PTPDC1: variants seen among roughly 807,000 people sequenced by gnomAD.
The protein encoded by PTPDC1 is protein tyrosine phosphatase domain-containing protein 1.
Under a neutral mutation model 75.3 loss-of-function variants are expected in PTPDC1, and 53 were observed. The observed-to-expected ratio is 0.70, with a 90% CI of 0.56 to 0.88. The LOEUF is 0.88. Among genes scored for constraint, PTPDC1 ranks in the 40% least tolerant of loss-of-function variants. PTPDC1 has a pLI of 0.00. For missense variants in PTPDC1, 925 were observed against 998.6 expected, an observed-to-expected ratio of 0.93 and a Z score of 0.99; for synonymous variants, 349 against 366.2, an observed-to-expected ratio of 0.95 and a Z score of 0.54.
chr9:94,036,234 G>A (rs1825267228), intron 1 of PTPDC1, among the ~76,000 whole-genome samples: 1 of 151,776 alleles, frequency 6.6e-6, no homozygotes, highest in South Asian at 2.1e-4. Flanking sequence ...TGCTTTTAGT[G>A]TCACATCCAA....
chr9:94,031,920 G>A (rs1342753597), intron 1 of PTPDC1, among the ~76,000 whole-genome samples: 1 of 152,166 alleles, frequency 6.6e-6, no homozygotes, highest in Non-Finnish European at 1.5e-5. Flanking sequence ...AAAACTCCGA[G>A]AGGTCATCTT....
Position 94,097,493 on chromosome 9 carries a change from TC to T in PTPDC1, c.930del (p.Ala312HisfsTer10), listed in dbSNP as rs1564033226. On this transcript the variant is annotated frameshift_variant, in exon 6 of 9. Coordinates refer to ENST00000620992, the MANE Select transcript of PTPDC1 (RefSeq NM_001253829.2). LOFTEE classifies it high-confidence loss of function. ...PLRNIFSCCDPKAHAVTLPQY... is the reference protein window; with the variant it reads ...PLRNIFSCCDXKAHAVTLPQY... ...TCCGCAATATATTCTCTTGCTGTGATCCCAAAGCACATGCTGTCACCTTACC... is the reference window on the plus strand; with the variant it reads ...TCCGCAATATATTCTCTTGCTGTGATCCAAAGCACATGCTGTCACCTTACC... 1.2e-6 allele frequency: 2 copies of T among 1,614,180 alleles called. No homozygotes were observed. The highest frequency in any genetic ancestry group is 2.2e-5 in the South Asian group (2 of 91,090).
intron 1 of PTPDC1, among the ~76,000 whole-genome samples, chr9:94,055,227 G>A (rs899659002): frequency 7.2e-5 from 11 of 152,168 alleles, no homozygotes; most frequent in African/African-American, 2.7e-4. Context: ...CTTAATAACT[G>A]TGTAACTTTA....
intron 4 of PTPDC1, among the ~76,000 whole-genome samples, chr9:94,091,508 C>T (rs966065377): frequency 2.6e-5 from 4 of 152,100 alleles, no homozygotes; most frequent in African/African-American, 9.7e-5. Context: ...AGGATTTTTG[C>T]ATCAATGTTC....
At position 94,095,333 on chromosome 9, in the gene PTPDC1, C is replaced by T. The variant is rs751926700; in HGVS notation, c.633C>T (p.Phe211=). 4.0e-5 allele frequency: 64 copies of T among 1,602,942 alleles called. No homozygotes were observed. The highest frequency in any genetic ancestry group is 5.2e-5 in the Non-Finnish European group (61 of 1,176,042). ...TTTTCCTAGTTTACTTCTACAATTT[C>T]GGATGGAAGGATTATGGTGTAGCGT... ...FMEAGIYFYN[F]GWKDYGVASL... Residue 211 remains phenylalanine (F), a synonymous_variant, in exon 5 of 9, where the codon TTC becomes TTT. Transcript: ENST00000620992.
In PTPDC1 at chr9:94,097,999, C is replaced by T; in HGVS notation, c.1433C>T (p.Pro478Leu). 6.2e-7 allele frequency: 1 copy of T among 1,614,156 alleles called. No individual in the cohort carries two copies. Among genetic ancestry groups the T allele is most frequent in the Non-Finnish European group, 8.5e-7 (1 of 1,180,038 alleles). The change falls in exon 6 of 9, where the codon CCC becomes CTC. Residue 478 changes from proline to leucine, a missense_variant. Transcript: ENST00000620992. ...GCCCAGATCTTGGTTGGCCACAAGC[C>T]CAGGCAGCAGAAGCTCATAAGCCAT... The part of the protein sequence containing the change: ...VPAQILVGHK[P>L]RQQKLISHCY...
intron 2 of PTPDC1, among the ~76,000 whole-genome samples, chr9:94,075,680 T>C (rs1344351267): frequency 6.6e-6 from 1 of 152,228 alleles, no homozygotes; most frequent in East Asian, 1.9e-4. Context: ...TTCCTATGTT[T>C]ATCTGTTCTA....
chr9:94,094,824 G>A (rs1454393103), intron 4 of PTPDC1, among the ~76,000 whole-genome samples: 3 of 152,196 alleles, frequency 2.0e-5, no homozygotes, highest in African/African-American at 7.2e-5. Context: ...TGTTCGGGTG[G>A]GAGTGACCCG....
intron 2 of PTPDC1, among the ~76,000 whole-genome samples, chr9:94,065,635 C>G (rs143856482): frequency 6.6e-5 from 10 of 152,300 alleles, no homozygotes; most frequent in African/African-American, 2.2e-4. Flanking sequence ...CACCAGGGGG[C>G]GTTCTCTCTC....
chr9:94,034,961 C>G (rs1331427319), intron 1 of PTPDC1, among the ~76,000 whole-genome samples: 1 of 152,128 alleles, frequency 6.6e-6, no homozygotes, highest in East Asian at 1.9e-4. Context: ...GTGATGAGAA[C>G]ATTTGAAATT....
chr9:94,072,894 T>G (rs1826561386), intron 2 of PTPDC1, among the ~76,000 whole-genome samples: 1 of 152,226 alleles, frequency 6.6e-6, no homozygotes, highest in Admixed American at 6.5e-5. Context: ...TGTATAATTC[T>G]TTTTATGCAT....
intron 8 of PTPDC1, 100 bp downstream of exon 8, chr9:94,104,485 G>GTTT: frequency 1.5e-6 from 1 of 683,212 alleles, no homozygotes; most frequent in Non-Finnish European, 2.5e-6. Context: ...AATAAAACAT[G>GTTT]TATGTGTATG....
Position 94,098,282 on chromosome 9 carries a change from T to C in PTPDC1, c.1716T>C (p.Ala572=), listed in dbSNP as rs1250066788. 1 of 1,614,202 alleles carries C rather than the reference T, an allele frequency of 6.2e-7. No individual in the cohort carries two copies. Among genetic ancestry groups the C allele is most frequent in the South Asian group, 1.1e-5 (1 of 91,082 alleles). The change falls in exon 6 of 9, where the codon GCT becomes GCC. Residue 572 remains alanine, a synonymous_variant. Transcript: ENST00000620992. ...ATGTCCATAAGGATCCAAACCCTGC[T>C]CACCAGCAAGTGTCTCACTGTCAGT... ...FANVHKDPNP[A]HQQVSHCQCK...
intron 1 of PTPDC1, chr9:94,038,029 T>A: frequency 2.3e-6 from 1 of 441,552 alleles, no homozygotes; most frequent in East Asian, 4.9e-5. Flanking sequence ...AAGAATTAAA[T>A]ATGGGTGATG....
intron 4 of PTPDC1, among the ~76,000 whole-genome samples, chr9:94,088,973 T>C (rs368513348): frequency 6.6e-6 from 1 of 152,228 alleles, no homozygotes; most frequent in Admixed American, 6.5e-5. Flanking sequence ...GCATGAATCA[T>C]TGACTTTATT....
At chr9:94,043,652 TC>T (rs1294892826) in intron 1 of PTPDC1, among the ~76,000 whole-genome samples, 2 of 152,058 alleles carry the variant, frequency 1.3e-5, no homozygotes, top group Admixed American at 6.6e-5. Flanking sequence ...GCCCACGAGG[TC>T]AAGGCTGCAG....
At chr9:94,072,924 G>A (rs908880329) in intron 2 of PTPDC1, among the ~76,000 whole-genome samples, 4 of 152,062 alleles carry the variant, frequency 2.6e-5, no homozygotes, top group African/African-American at 9.7e-5. Flanking sequence ...TGATTTGCTC[G>A]TATTTTGTTG....
chr9:94,038,418 A>G (rs1825337602), intron 1 of PTPDC1: 2 of 347,250 alleles, frequency 5.8e-6, no homozygotes, highest in Non-Finnish European at 1.1e-5. Context: ...AATAGATCTC[A>G]TACACCAGAA....
At position 94,085,242 on chromosome 9, in the gene PTPDC1, A is replaced by G; in HGVS notation, c.245-9A>G. ...GAATTTTGAATTTTCCTTTCCTTAT[A>G]TGTTCTAGGAAATTTAGAACGTCCA... On this transcript the variant is annotated splice_polypyrimidine_tract_variant and intron_variant, in intron 1 of 8. Coordinates refer to ENST00000620992, the MANE Select transcript of PTPDC1 (RefSeq NM_001253829.2). 2 of 1,608,910 alleles carry G rather than the reference A, an allele frequency of 1.2e-6. No individual in the cohort carries two copies. Among genetic ancestry groups the G allele is most frequent in the African/African-American group, 1.3e-5 (1 of 74,866 alleles).
Sources: gnomAD v4.1 joint callset for allele counts (sites outside exome capture counted in the v4.1 genomes callset) on GRCh38, gnomAD v4.1.1 for gene constraint, MANE v1.5 for transcripts, NCBI Gene and HGNC (gene_info 2026-07-23, HGNC 2026-07-21) for gene names.